GALNTL6: variants seen among roughly 807,000 people sequenced by gnomAD.
GALNTL6 encodes polypeptide N-acetylgalactosaminyltransferase-like 6.
In GALNTL6, 46 loss-of-function variants were observed where a neutral mutation model predicts 73.7. The ratio of observed to expected loss-of-function variants is 0.62; its 90% CI spans 0.49 to 0.80. The LOEUF is 0.80. Ranked by LOEUF, GALNTL6 falls within the 30% of genes least tolerant of loss-of-function variation. The pLI, the probability that GALNTL6 is intolerant of heterozygous loss-of-function variation, is 0.00. For missense variants in GALNTL6, 604 were observed against 755.0 expected (o/e 0.80, Z 2.34); for synonymous variants, 259 against 263.7 (o/e 0.98, Z 0.17).
chr4:171,975,602 A>G (rs1284982242), intron 2 of GALNTL6, among the ~76,000 whole-genome samples: 3 of 152,172 alleles, frequency 2.0e-5, no homozygotes, highest in Non-Finnish European at 4.4e-5. Context: ...AAGCAAAAGC[A>G]AAAGAAAGTC....
chr4:172,097,107 C>T (rs1183846935), intron 2 of GALNTL6, among the ~76,000 whole-genome samples: 1 of 152,168 alleles, frequency 6.6e-6, no homozygotes, highest in Non-Finnish European at 1.5e-5. Context: ...GTGGTCCTTA[C>T]TGGGAAATTT....
rs542420950 is a variant in GALNTL6 at position 172,043,211 on chromosome 4, G to A, written c.139-186445G>A. 6.8e-4 allele frequency among the ~76,000 whole-genome samples: 103 copies of A among 151,994 alleles called. 1 individual carries two copies. The highest frequency in any genetic ancestry group is 1.2e-3 in the East Asian group (6 of 5,178). On this transcript the variant is annotated intron_variant, in intron 2 of 12. Transcript: ENST00000506823. ...CAGGAGAATGCTCTCTGACAAACTC[G>A]GCTTTGATTAAAATCTCTGAAATGT...
chr4:172,345,096 T>G (rs1741695225), intron 4 of GALNTL6, among the ~76,000 whole-genome samples: 1 of 60,664 alleles, frequency 1.6e-5, no homozygotes, highest in African/African-American at 9.9e-5. Flanking sequence ...GAGGTATTGT[T>G]TTTTTTTTTT....
chr4:171,895,634 T>G (rs1736889353), intron 2 of GALNTL6, among the ~76,000 whole-genome samples: 1 of 152,136 alleles, frequency 6.6e-6, no homozygotes, highest in South Asian at 2.1e-4. Flanking sequence ...TCATGACGTC[T>G]ATGATAAAAT....
In GALNTL6 at chr4:172,438,500, A is replaced by G. The variant is rs1461292372; in HGVS notation, c.553+89811A>G. 2.0e-5 allele frequency among the ~76,000 whole-genome samples: 3 copies of G among 151,754 alleles called. No individual in the cohort carries two copies. In the East Asian group the frequency reaches 5.8e-4, roughly 29 times the overall value. Reference sequence around the variant, plus strand: ...CCCCACTCCCATATTTCCTTGTTTAAATTCTTCAATTCATCATTATATATT... The same window carrying G: ...CCCCACTCCCATATTTCCTTGTTTAGATTCTTCAATTCATCATTATATATT... On this transcript the variant is annotated intron_variant, in intron 5 of 12. Transcript: ENST00000506823.
intron 2 of GALNTL6, among the ~76,000 whole-genome samples, chr4:172,140,583 T>C (rs1434779304): frequency 6.6e-6 from 1 of 152,040 alleles, no homozygotes; most frequent in East Asian, 1.9e-4. Context: ...TGAAATTTTC[T>C]CAAGGTCACA....
intron 2 of GALNTL6, among the ~76,000 whole-genome samples, chr4:172,023,424 TG>T (rs1342664395): frequency 1.3e-5 from 2 of 151,916 alleles, no homozygotes; most frequent in Non-Finnish European, 2.9e-5. Flanking sequence ...ACCTTTCACA[TG>T]TTGGGTATCT....
chr4:172,218,797 A>C (rs2110942910), intron 2 of GALNTL6, among the ~76,000 whole-genome samples: 1 of 152,100 alleles, frequency 6.6e-6, no homozygotes, highest in Non-Finnish European at 1.5e-5. Context: ...TAAAGATCTG[A>C]ATGTTAATAA....
At chr4:172,497,444 A>G (rs1209068398) in intron 5 of GALNTL6, among the ~76,000 whole-genome samples, 1 of 152,202 alleles carries the variant, frequency 6.6e-6, no homozygotes, top group Non-Finnish European at 1.5e-5. Context: ...CCCTGTGGGA[A>G]CTGATTGAAT....
chr4:172,164,116 A>G (rs1734552032), intron 2 of GALNTL6, among the ~76,000 whole-genome samples: 1 of 152,034 alleles, frequency 6.6e-6, no homozygotes, highest in Non-Finnish European at 1.5e-5. Flanking sequence ...GATGATGAGC[A>G]TATGGCCAAT....
intron 3 of GALNTL6, among the ~76,000 whole-genome samples, chr4:172,293,578 A>C (rs1234495009): frequency 6.6e-6 from 1 of 152,096 alleles, no homozygotes; most frequent in Non-Finnish European, 1.5e-5. Context: ...AATCACAGGA[A>C]ACACCAGCAC....
intron 7 of GALNTL6, among the ~76,000 whole-genome samples, chr4:172,843,182 AG>A (rs1034517229): frequency 4.6e-5 from 7 of 152,210 alleles, no homozygotes; most frequent in African/African-American, 1.4e-4. Flanking sequence ...TTTCCCTCCA[AG>A]GGCAGATTAA....
Position 171,879,462 on chromosome 4 carries a change from G to A in GALNTL6, c.138+64744G>A, listed in dbSNP as rs1445733087. Reference sequence around the variant, plus strand: ...CTAAAGTAGAAGACGGCATTAAAAAGTCAAATTAGTGTTACAGTAGCCTTG... The same window carrying A: ...CTAAAGTAGAAGACGGCATTAAAAAATCAAATTAGTGTTACAGTAGCCTTG... On this transcript the variant is annotated intron_variant, in intron 2 of 12. Transcript: ENST00000506823. Among the ~76,000 whole-genome samples the A allele has an allele frequency of 3.3e-5, 5 of 152,088 alleles. No homozygotes were observed. In the South Asian group the frequency reaches 6.2e-4, roughly 19 times the overall value.
intron 2 of GALNTL6, among the ~76,000 whole-genome samples, chr4:171,985,103 T>C (rs911119694): frequency 6.6e-6 from 1 of 152,172 alleles, no homozygotes; most frequent in Non-Finnish European, 1.5e-5. Flanking sequence ...CAATTAAGTT[T>C]ATTGTGGTAA....
At chr4:171,970,009 G>T (rs1292436894) in intron 2 of GALNTL6, among the ~76,000 whole-genome samples, 2 of 152,246 alleles carry the variant, frequency 1.3e-5, no homozygotes, top group South Asian at 2.1e-4. Flanking sequence ...GACCTCAGGT[G>T]ATCCACCCTC....
At chr4:172,839,025 T>C (rs1036400319) in intron 7 of GALNTL6, among the ~76,000 whole-genome samples, 1 of 152,210 alleles carries the variant, frequency 6.6e-6, no homozygotes, top group Admixed American at 6.5e-5. Flanking sequence ...ACTGGCTTTT[T>C]AATTTAGAGG....
intron 2 of GALNTL6, among the ~76,000 whole-genome samples, chr4:172,165,035 A>G (rs1206828209): frequency 1.3e-5 from 2 of 152,132 alleles, no homozygotes; most frequent in African/African-American, 2.4e-5. Flanking sequence ...GAAAATCTGG[A>G]CTATATGTCT....
intron 2 of GALNTL6, among the ~76,000 whole-genome samples, chr4:172,089,064 C>T (rs1437300624): frequency 6.6e-6 from 1 of 152,118 alleles, no homozygotes; most frequent in Non-Finnish European, 1.5e-5. Flanking sequence ...CTCATCTAAG[C>T]ACTTTTCTCC....
chr4:172,397,569 A>AT (rs1188797119), intron 5 of GALNTL6, among the ~76,000 whole-genome samples: 2 of 150,372 alleles, frequency 1.3e-5, no homozygotes, highest in African/African-American at 4.9e-5. Context: ...TTATTTATTT[A>AT]TTTATTTATT....
Sources: allele counts gnomAD v4.1 joint callset (sites outside exome capture counted in the v4.1 genomes callset), GRCh38; gene constraint gnomAD v4.1.1; transcripts MANE v1.5; gene names NCBI Gene and HGNC (gene_info 2026-07-23, HGNC 2026-07-21).